PLEKHG7: variants seen among roughly 807,000 people sequenced by gnomAD.
PLEKHG7 encodes the protein pleckstrin homology and RhoGEF domain containing G7.
In PLEKHG7, 77 loss-of-function variants were observed where a neutral mutation model predicts 85.2. That is an observed-to-expected ratio of 0.90 (90% CI 0.75 to 1.09). The LOEUF is 1.09. Among genes scored for constraint, PLEKHG7 ranks in the 50% least tolerant of loss-of-function variants. The pLI is 0.00. For synonymous variants in PLEKHG7, 301 were observed against 302.4 expected (o/e 1.00, Z 0.05); for missense variants, 777 against 804.3 (o/e 0.97, Z 0.41).
chr12:92,741,039 A>AG, intron 8 of PLEKHG7, 91 bp downstream of exon 8: 2 of 837,272 alleles, frequency 2.4e-6, no homozygotes, highest in Non-Finnish European at 3.9e-6. Flanking sequence ...GTATGCCATA[A>AG]TACATCTCCA....
rs182300692 is a variant in PLEKHG7, at chr12:92,741,756, A to G, written c.1137+164A>G. Among the ~76,000 whole-genome samples the G allele has an allele frequency of 2.2e-4, 34 of 152,376 alleles. 2 individuals are homozygous for G. The highest frequency in any genetic ancestry group is 2.0e-3 in the Admixed American group (30 of 15,302). On this transcript the variant is annotated intron_variant, in intron 9 of 16. Coordinates refer to ENST00000344636, the MANE Select transcript of PLEKHG7 (RefSeq NM_001377329.1). ...TCTGCCAGTCAACATTTTCAAAAATAACTTGCAGATTCTGTTTTCCCATTG... is the reference window on the plus strand; with the variant it reads ...TCTGCCAGTCAACATTTTCAAAAATGACTTGCAGATTCTGTTTTCCCATTG...
intron 3 of PLEKHG7, among the ~76,000 whole-genome samples, chr12:92,718,521 GAAAGAAAAAGA>G (rs565381102): frequency 1.3e-5 from 2 of 152,230 alleles, no homozygotes; most frequent in South Asian, 2.1e-4. Context: ...AATGTTTAAG[GAAAGAAAAAGA>G]AAAGAAAAAG....
chr12:92,707,384 A>T (rs1565785416), intron 2 of PLEKHG7: 3 of 1,427,988 alleles, frequency 2.1e-6, no homozygotes, highest in East Asian at 2.5e-5. Context: ...TTGAGAAAGG[A>T]TGCACCAAGG....
At chr12:92,767,246 C>T (rs1662031542) in intron 15 of PLEKHG7, among the ~76,000 whole-genome samples, 1 of 152,192 alleles carries the variant, frequency 6.6e-6, no homozygotes, top group Admixed American at 6.5e-5. Flanking sequence ...CTATTCTTGC[C>T]TGTATATTAT....
At chr12:92,739,466 G>T (rs1872282878) in intron 7 of PLEKHG7, among the ~76,000 whole-genome samples, 1 of 152,214 alleles carries the variant, frequency 6.6e-6, no homozygotes, top group African/African-American at 2.4e-5. Context: ...AGAGAACGAA[G>T]CCCCTGAGTT....
At chr12:92,728,486 ATGG>A (rs1340962139) in intron 3 of PLEKHG7, among the ~76,000 whole-genome samples, 27 of 150,108 alleles carry the variant, frequency 1.8e-4, no homozygotes, top group African/African-American at 5.6e-4. Context: ...ACCACATTCC[ATGG>A]TGGTGTATAT....
Position 92,745,557 on chromosome 12 carries a change from T to C in PLEKHG7, c.1217T>C (p.Leu406Pro). The C allele has an allele frequency of 6.2e-7, 1 of 1,613,838 alleles. No homozygotes were observed. The highest frequency in any genetic ancestry group is 8.5e-7 in the Non-Finnish European group (1 of 1,179,726). Residue 406 changes from leucine (L) to proline (P), a missense_variant, in exon 10 of 17, where the codon CTG (leucine) becomes CCG (proline). By Grantham distance (98) the Leu-to-Pro change is moderately conservative (BLOSUM62 -3). This residue lies in a region of PLEKHG7 where 520 missense variants were observed against 544.0 expected (regional missense o/e 0.96). Transcript: ENST00000344636. Reference sequence around the variant, plus strand: ...GCTGCTATCTTTTATCTTGAGAGCCTGAGGCAGAGAGATGACTTTGGAATT... The same window carrying C: ...GCTGCTATCTTTTATCTTGAGAGCCCGAGGCAGAGAGATGACTTTGGAATT... Reference protein sequence around the residue: ...YSAAIFYLESLRQRDDFGIYL... With the variant: ...YSAAIFYLESPRQRDDFGIYL...
chr12:92,749,828 A>C (rs938070986), intron 10 of PLEKHG7: 1 of 151,510 alleles, frequency 6.6e-6, no homozygotes, highest in African/African-American at 2.4e-5. Flanking sequence ...CTAATGCTGC[A>C]TCCCACTAAG....
intron 7 of PLEKHG7, among the ~76,000 whole-genome samples, chr12:92,739,295 G>A (rs958918436): frequency 6.6e-6 from 1 of 152,206 alleles, no homozygotes; most frequent in Non-Finnish European, 1.5e-5. Context: ...GAAGGAATGT[G>A]CCAATTGGCT....
chr12:92,746,507 T>G (rs1872537569), intron 10 of PLEKHG7, among the ~76,000 whole-genome samples: 1 of 152,226 alleles, frequency 6.6e-6, no homozygotes, highest in South Asian at 2.1e-4. Context: ...AGTGTTTTTT[T>G]TGCTACTCAA....
intron 9 of PLEKHG7, among the ~76,000 whole-genome samples, chr12:92,743,632 T>G (rs1192872422): frequency 6.6e-6 from 1 of 152,160 alleles, no homozygotes; most frequent in African/African-American, 2.4e-5. Context: ...CGATCTCAGC[T>G]CATGGCAACT....
chr12:92,727,907 A>G (rs189382235), intron 3 of PLEKHG7, among the ~76,000 whole-genome samples: 147 of 143,120 alleles, frequency 1.0e-3, no homozygotes, highest in Non-Finnish European at 1.6e-3. Flanking sequence ...ATGCTTTTTT[A>G]TGGCTGCATG....
chr12:92,710,392 AC>A (rs1401728090), intron 3 of PLEKHG7, among the ~76,000 whole-genome samples: 2 of 152,140 alleles, frequency 1.3e-5, no homozygotes, highest in Non-Finnish European at 2.9e-5. Flanking sequence ...ATGAGCATGA[AC>A]CCACTGTCGC....
chr12:92,765,849 T>G lies in PLEKHG7; in HGVS notation c.1870+1655T>G, dbSNP rs547180414. On this transcript the variant is annotated intron_variant, in intron 15 of 16. Transcript: ENST00000344636. The stretch of plus-strand genomic sequence containing the variant: ...GCCTTACATATATTAACCCATGAAT[T>G]AATATAACCTCTCTCTCCAAGAGCA... Among the ~76,000 whole-genome samples, 49 of 152,198 alleles carry G rather than the reference T, an allele frequency of 3.2e-4. No homozygotes were observed. In the South Asian group the frequency reaches 1.0e-2, roughly 31 times the overall value.
At chr12:92,730,611 A>G (rs1171689670) in intron 4 of PLEKHG7, among the ~76,000 whole-genome samples, 1 of 152,170 alleles carries the variant, frequency 6.6e-6, no homozygotes, top group Non-Finnish European at 1.5e-5. Flanking sequence ...GTAGAGACGA[A>G]GTTTCAACAT....
chr12:92,733,678 C>G lies in PLEKHG7; in HGVS notation c.699+1405C>G, dbSNP rs545213723. On this transcript the variant is annotated intron_variant, in intron 5 of 16. Transcript: ENST00000344636. ...GTCTCAGGAGAAGGGGCATCTCCCC[C>G]CTAGCCCTCCCGAGGGCTTATCTAG... Among the ~76,000 whole-genome samples, 507 of 152,268 alleles carry G rather than the reference C, an allele frequency of 3.3e-3. 4 individuals are homozygous for G. Among genetic ancestry groups the G allele is most frequent in the Admixed American group, 8.8e-3 (134 of 15,282 alleles).
At position 92,703,053 on chromosome 12, in the gene PLEKHG7, C is replaced by G. The variant is rs1268631428; in HGVS notation, c.-241C>G. 6.6e-6 allele frequency: 1 copy of G among 152,246 alleles called. No individual in the cohort carries two copies. Among genetic ancestry groups the G allele is most frequent in the East Asian group, 1.9e-4 (1 of 5,206 alleles). The allele number at this position is 152,246 out of a possible 1,614,324, so 9.4% of individuals were successfully genotyped here. A position where few individuals can be genotyped will look rare whatever the true frequency, so the allele number is the denominator to read the frequency against. ...GTTGCTCCGAGCCCTCGCCTGGCAG[C>G]TCACTCTGGATCTGCGGGTTCTGAG... On this transcript the variant is annotated 5_prime_UTR_variant, in exon 1 of 17. Transcript: ENST00000344636.
chr12:92,721,831 C>A (rs915637905), intron 3 of PLEKHG7, among the ~76,000 whole-genome samples: 6 of 151,590 alleles, frequency 4.0e-5, no homozygotes, highest in Admixed American at 3.9e-4. Flanking sequence ...GCCAGCCACA[C>A]CCCAAATAGT....
chr12:92,720,447 T>A (rs1471053431), intron 3 of PLEKHG7, among the ~76,000 whole-genome samples: 1 of 152,038 alleles, frequency 6.6e-6, no homozygotes, highest in East Asian at 1.9e-4. Context: ...TGCCCCAGTC[T>A]CCTGAGTAGC....
Sources: allele counts gnomAD v4.1 joint callset (sites outside exome capture counted in the v4.1 genomes callset), GRCh38; gene constraint gnomAD v4.1.1; regional missense constraint gnomAD v4.1.1; transcripts MANE v1.5; gene names NCBI Gene and HGNC (gene_info 2026-07-23, HGNC 2026-07-21).